SNRNP40: variants seen among roughly 807,000 people sequenced by gnomAD.
SNRNP40 encodes the protein U5 small nuclear ribonucleoprotein 40 kDa protein.
A neutral mutation model predicts 45.8 loss-of-function variants in SNRNP40; 21 were observed. That is an observed-to-expected ratio of 0.46 (90% CI 0.32 to 0.66). The LOEUF (loss-of-function observed/expected upper bound fraction) is 0.66, where lower values mean the gene tolerates loss of function less well. SNRNP40 is among the 30% of genes least tolerant of loss of function. The probability of loss-of-function intolerance (pLI) is 0.03; values close to 1 mark genes in which losing one functional copy is unlikely to be tolerated. For synonymous variants in SNRNP40, 142 were observed against 163.8 expected, an observed-to-expected ratio of 0.87 and a Z score of 1.01; for missense variants, 344 against 439.1, an observed-to-expected ratio of 0.78 and a Z score of 1.94.
chr1:31,282,589 A>C (rs531964450), intron 4 of SNRNP40: 4 of 150,736 alleles, frequency 2.7e-5, no homozygotes, highest in Non-Finnish European at 5.9e-5. Context: ...CTATCTATCT[A>C]TCTATCTATC....
chr1:31,278,467 CAT>C (rs945265599), intron 5 of SNRNP40, among the ~76,000 whole-genome samples: 34 of 152,312 alleles, frequency 2.2e-4, no homozygotes, highest in African/African-American at 7.9e-4. Context: ...TGTAAATTTA[CAT>C]GTCTTGAAAA....
rs764609959 is a variant in SNRNP40, at chr1:31,259,998, T to A, written c.*74A>T. ...TGAAGGGAGGGTGCTAGCCTGGACA[T>A]CCAACATTTGGCATCACTTATGCAG... On this transcript the variant is annotated 3_prime_UTR_variant, in exon 10 of 10. Coordinates refer to ENST00000263694, the MANE Select transcript of SNRNP40 (RefSeq NM_004814.3). 9.2e-7 allele frequency: 1 copy of A among 1,091,282 alleles called. No individual in the cohort carries two copies. The highest frequency in any genetic ancestry group is 1.7e-5 in the Admixed American group (1 of 59,278). The allele number at this position is 1,091,282 out of a possible 1,614,324, so 67.6% of individuals were successfully genotyped here.
At chr1:31,290,952 A>G (rs1197566614) in intron 3 of SNRNP40, among the ~76,000 whole-genome samples, 3 of 152,080 alleles carry the variant, frequency 2.0e-5, no homozygotes, top group Non-Finnish European at 4.4e-5. Flanking sequence ...CAACAACTAA[A>G]CAGTTCTGAG....
intron 5 of SNRNP40, among the ~76,000 whole-genome samples, chr1:31,272,119 G>C (rs183812846): frequency 6.6e-6 from 1 of 152,120 alleles, no homozygotes; most frequent in East Asian, 1.9e-4. Flanking sequence ...ATGATTCTTA[G>C]CCATTAAAAA....
chr1:31,285,318 A>G (rs1218057998), intron 4 of SNRNP40, among the ~76,000 whole-genome samples: 2 of 146,736 alleles, frequency 1.4e-5, no homozygotes, highest in Non-Finnish European at 3.0e-5. Flanking sequence ...ATCTCCGCTC[A>G]CTGCAACCTC....
chr1:31,286,853 C>T (rs1230953741), intron 4 of SNRNP40, among the ~76,000 whole-genome samples: 1 of 152,212 alleles, frequency 6.6e-6, no homozygotes, highest in Non-Finnish European at 1.5e-5. Flanking sequence ...CTTGGCCCAT[C>T]TCTAACTAGA....
chr1:31,282,652 G>GTATCTATCTATCTATCTAATCTC (rs1283028596), intron 4 of SNRNP40, among the ~76,000 whole-genome samples: 1 of 150,112 alleles, frequency 6.7e-6, no homozygotes, highest in Admixed American at 6.6e-5. Flanking sequence ...ATGTATCTAT[G>GTATCTATCTATCTATCTAATCTC]TGTCTATCTA....
chr1:31,295,230 G>GT (rs909192166), intron 1 of SNRNP40, among the ~76,000 whole-genome samples: 24 of 152,068 alleles, frequency 1.6e-4, no homozygotes, highest in Non-Finnish European at 7.4e-5. Flanking sequence ...AGATGTGGTG[G>GT]TGTGTGTCTG....
At position 31,281,449 on chromosome 1, in the gene SNRNP40, C is replaced by T. The variant is rs368435910; in HGVS notation, c.579G>A (p.Thr193=). The T allele has an allele frequency of 2.4e-5, 38 of 1,608,784 alleles. No individual in the cohort carries two copies. Among genetic ancestry groups the T allele is most frequent in the Admixed American group, 2.3e-4 (14 of 59,978 alleles). ...KKAAIQTFQN[T]YQVLAVTFND... ...TGAAGGTCACAGCTAACACCTGGTACGTGTTCTGAAATGTCTGGATGGCTG... is the reference window on the plus strand; with the variant it reads ...TGAAGGTCACAGCTAACACCTGGTATGTGTTCTGAAATGTCTGGATGGCTG... The change falls in exon 5 of 10, where the codon ACG becomes ACA. Residue 193 remains threonine, a synonymous_variant. Coordinates refer to ENST00000263694, the MANE Select transcript of SNRNP40 (RefSeq NM_004814.3).
chr1:31,288,181 G>C (rs1350254460), intron 4 of SNRNP40, among the ~76,000 whole-genome samples: 1 of 148,880 alleles, frequency 6.7e-6, no homozygotes, highest in African/African-American at 2.5e-5. Context: ...AAAAAAAAAA[G>C]CAAATTCATT....
chr1:31,273,188 C>G (rs1238853028), intron 5 of SNRNP40, among the ~76,000 whole-genome samples: 1 of 152,168 alleles, frequency 6.6e-6, no homozygotes, highest in East Asian at 1.9e-4. Flanking sequence ...GCTGTTGTTC[C>G]TTCTCTTCTG....
At chr1:31,265,316 G>A (rs936001162) in intron 8 of SNRNP40, among the ~76,000 whole-genome samples, 3 of 151,922 alleles carry the variant, frequency 2.0e-5, no homozygotes, top group Non-Finnish European at 4.4e-5. Context: ...TTTTTATAGA[G>A]ACAGGGTCCT....
chr1:31,264,615 GAATT>G lies in SNRNP40; in HGVS notation c.921-2987_921-2984del, dbSNP rs1239664958. Among the ~76,000 whole-genome samples the G allele has an allele frequency of 3.9e-5, 6 of 152,194 alleles. No individual in the cohort carries two copies. In the East Asian group the frequency reaches 7.7e-4, roughly 20 times the overall value. On this transcript the variant is annotated intron_variant, in intron 8 of 9. Coordinates refer to ENST00000263694, the MANE Select transcript of SNRNP40 (RefSeq NM_004814.3). The stretch of plus-strand genomic sequence containing the variant: ...ATATATGCAAAGTGCCTGGCACACA[GAATT>G]AATTATAGCTATTGTTATTATAAGT...
intron 4 of SNRNP40, among the ~76,000 whole-genome samples, chr1:31,288,299 C>T (rs531197442): frequency 3.3e-5 from 5 of 152,160 alleles, no homozygotes; most frequent in Admixed American, 6.5e-5. Flanking sequence ...GCCCAAAATT[C>T]GTGTCAAAGA....
intron 5 of SNRNP40, among the ~76,000 whole-genome samples, chr1:31,279,928 G>A (rs1039376098): frequency 1.3e-5 from 2 of 150,080 alleles, no homozygotes; most frequent in African/African-American, 2.4e-5. Flanking sequence ...CCAACATGGT[G>A]AAACCCTGTC....
intron 4 of SNRNP40, among the ~76,000 whole-genome samples, chr1:31,283,758 GAAGC>G (rs1392728330): frequency 6.6e-6 from 1 of 152,216 alleles, no homozygotes; most frequent in African/African-American, 2.4e-5. Flanking sequence ...GGCATGCAAA[GAAGC>G]AAGTAACTAT....
At position 31,296,771 on chromosome 1, in the gene SNRNP40, A is replaced by G. The variant is rs746880503; in HGVS notation, c.-20T>C. On this transcript the variant is annotated 5_prime_UTR_variant, in exon 1 of 10. Coordinates refer to ENST00000263694, the MANE Select transcript of SNRNP40 (RefSeq NM_004814.3). ...TATCATGGCGGCAACCGGTCTCTTC[A>G]GCGCCGCCACTGACCGCGCTGCCGC... 3 of 1,566,860 alleles carry G rather than the reference A, an allele frequency of 1.9e-6. No homozygotes were observed. Among genetic ancestry groups the G allele is most frequent in the South Asian group, 1.2e-5 (1 of 86,624 alleles).
chr1:31,288,755 T>C (rs1646080265), intron 4 of SNRNP40, among the ~76,000 whole-genome samples: 1 of 152,176 alleles, frequency 6.6e-6, no homozygotes, highest in African/African-American at 2.4e-5. Flanking sequence ...GTTCTTTTTT[T>C]TGAGACAGAG....
In SNRNP40 at chr1:31,291,325, G is replaced by A. The variant is rs536682547; in HGVS notation, c.365+588C>T. On this transcript the variant is annotated intron_variant, in intron 3 of 9. Transcript: ENST00000263694. Reference sequence around the variant, plus strand: ...ATTAACACTGATTATCTTTGGAGTGGTAGAAATATAGACTATTTTTTCATC... The same window carrying A: ...ATTAACACTGATTATCTTTGGAGTGATAGAAATATAGACTATTTTTTCATC... Among the ~76,000 whole-genome samples the A allele has an allele frequency of 2.9e-4, 43 of 149,506 alleles. No homozygotes were observed. The South Asian group carries it at 8.8e-3, about 31-fold the overall frequency.
Sources: gnomAD v4.1 joint callset for allele counts (sites outside exome capture counted in the v4.1 genomes callset) on GRCh38, gnomAD v4.1.1 for gene constraint, MANE v1.5 for transcripts, NCBI Gene and HGNC (gene_info 2026-07-23, HGNC 2026-07-21) for gene names.